MACROD2: variants seen among roughly 807,000 people sequenced by gnomAD.
MACROD2 encodes ADP-ribose glycohydrolase MACROD2.
A neutral mutation model predicts 70.4 loss-of-function variants in MACROD2; 36 were observed. The observed-to-expected ratio is 0.51, with a 90% CI of 0.39 to 0.68. The LOEUF (loss-of-function observed/expected upper bound fraction) is 0.68, where lower values mean the gene tolerates loss of function less well. MACROD2 is among the 30% of genes least tolerant of loss of function. MACROD2 has a pLI of 0.00. For missense variants in MACROD2, 496 were observed against 538.4 expected (o/e 0.92, Z 0.78); for synonymous variants, 172 against 178.8 (o/e 0.96, Z 0.30).
intron 6 of MACROD2, among the ~76,000 whole-genome samples, chr20:15,365,972 A>T (rs1434551189): frequency 6.6e-6 from 1 of 152,242 alleles, no homozygotes; most frequent in Non-Finnish European, 1.5e-5. Context: ...TGTTCATTTC[A>T]AGTGGACAAA....
intron 6 of MACROD2, among the ~76,000 whole-genome samples, chr20:15,244,295 T>C (rs940699172): frequency 6.6e-6 from 1 of 152,198 alleles, no homozygotes; most frequent in Non-Finnish European, 1.5e-5. Flanking sequence ...TTAATGAGAC[T>C]TAAGAAATCT....
intron 5 of MACROD2, among the ~76,000 whole-genome samples, chr20:14,823,326 T>C (rs1227423761): frequency 6.6e-6 from 1 of 152,180 alleles, no homozygotes; most frequent in Non-Finnish European, 1.5e-5. Flanking sequence ...TTAAGTTATT[T>C]GTATTTCTTA....
intron 8 of MACROD2, among the ~76,000 whole-genome samples, chr20:15,830,510 C>T (rs918381748): frequency 2.6e-5 from 4 of 152,150 alleles, no homozygotes; most frequent in African/African-American, 9.7e-5. Flanking sequence ...TAGGTCAAGT[C>T]GTTTGGCAAA....
intron 6 of MACROD2, among the ~76,000 whole-genome samples, chr20:15,244,360 T>C (rs1050514774): frequency 3.3e-5 from 5 of 152,200 alleles, no homozygotes; most frequent in African/African-American, 1.2e-4. Context: ...AAGGTGATCA[T>C]ATTATTACTC....
At chr20:15,295,137 G>A (rs1025361291) in intron 6 of MACROD2, among the ~76,000 whole-genome samples, 2 of 152,150 alleles carry the variant, frequency 1.3e-5, no homozygotes, top group African/African-American at 4.8e-5. Context: ...TTCAGAAAGG[G>A]CAGTTCCCCT....
intron 10 of MACROD2, among the ~76,000 whole-genome samples, chr20:15,904,054 T>C (rs949280770): frequency 3.3e-5 from 5 of 152,188 alleles, no homozygotes; most frequent in African/African-American, 4.8e-5. Flanking sequence ...AATTCAAACA[T>C]TGCAGGAAAA....
intron 6 of MACROD2, among the ~76,000 whole-genome samples, chr20:15,250,685 C>A (rs1272258752): frequency 6.6e-6 from 1 of 152,172 alleles, no homozygotes; most frequent in Non-Finnish European, 1.5e-5. Flanking sequence ...GATCTTCCTT[C>A]TCCCTTCACC....
intron 5 of MACROD2, among the ~76,000 whole-genome samples, chr20:14,755,061 C>T (rs1458521002): frequency 1.3e-5 from 2 of 152,082 alleles, no homozygotes; most frequent in Non-Finnish European, 2.9e-5. Flanking sequence ...AGCACAGGTT[C>T]TTCCTTGGTG....
chr20:14,249,546 A>G (rs1269274614), intron 3 of MACROD2, among the ~76,000 whole-genome samples: 1 of 152,036 alleles, frequency 6.6e-6, no homozygotes, highest in Non-Finnish European at 1.5e-5. Flanking sequence ...TCACAGAGCT[A>G]TGTCTCCAGC....
At chr20:15,021,156 CTG>C (rs2075171618) in intron 5 of MACROD2, among the ~76,000 whole-genome samples, 1 of 119,270 alleles carries the variant, frequency 8.4e-6, no homozygotes, top group Non-Finnish European at 1.7e-5. Context: ...ATACACACAC[CTG>C]TGTGTATGTA....
intron 6 of MACROD2, among the ~76,000 whole-genome samples, chr20:15,339,007 G>C (rs909688113): frequency 6.6e-6 from 1 of 151,718 alleles, no homozygotes; most frequent in African/African-American, 2.4e-5. Flanking sequence ...GGCTTCATTG[G>C]CTCCTTCAAA....
At chr20:15,707,644 G>T (rs1268767830) in intron 8 of MACROD2, among the ~76,000 whole-genome samples, 1 of 152,136 alleles carries the variant, frequency 6.6e-6, no homozygotes, top group South Asian at 2.1e-4. Context: ...TTAGCTGAGC[G>T]TGGTGGCGGG....
chr20:14,840,290 A>C (rs1413220142), intron 5 of MACROD2, among the ~76,000 whole-genome samples: 3 of 152,162 alleles, frequency 2.0e-5, no homozygotes, highest in African/African-American at 7.2e-5. Context: ...TGTCCATCTC[A>C]GACTCCCAAA....
intron 3 of MACROD2, among the ~76,000 whole-genome samples, chr20:14,190,421 A>G (rs908495520): frequency 1.3e-5 from 2 of 151,910 alleles, no homozygotes; most frequent in African/African-American, 2.4e-5. Context: ...TAGCTTTTGT[A>G]GGTATAGCTA....
At chr20:15,006,582 A>G (rs2075039686) in intron 5 of MACROD2, among the ~76,000 whole-genome samples, 2 of 152,178 alleles carry the variant, frequency 1.3e-5, no homozygotes, top group Admixed American at 6.5e-5. Flanking sequence ...ATGTATATCA[A>G]AACTTCGTGC....
At chr20:14,692,647 A>G (rs1026011595) in intron 5 of MACROD2, among the ~76,000 whole-genome samples, 2 of 152,198 alleles carry the variant, frequency 1.3e-5, no homozygotes, top group African/African-American at 4.8e-5. Context: ...AAGACACTCA[A>G]GAGAGAACAA....
intron 5 of MACROD2, among the ~76,000 whole-genome samples, chr20:15,033,960 C>A (rs2075294536): frequency 6.6e-6 from 1 of 152,124 alleles, no homozygotes; most frequent in Non-Finnish European, 1.5e-5. Context: ...AAATGATAGT[C>A]TAACAACATC....
intron 10 of MACROD2, among the ~76,000 whole-genome samples, chr20:15,889,098 G>A (rs2064857260): frequency 6.6e-6 from 1 of 152,092 alleles, no homozygotes; most frequent in African/African-American, 2.4e-5. Context: ...AACCCACTGG[G>A]GTGCTTGTAA....
intron 8 of MACROD2, among the ~76,000 whole-genome samples, chr20:15,606,945 T>C (rs1025587889): frequency 1.4e-5 from 2 of 147,434 alleles, no homozygotes; most frequent in Non-Finnish European, 3.0e-5. Flanking sequence ...GAGGTTGCCA[T>C]GAGCCAAGAT....
Sources: gnomAD v4.1 joint callset for allele counts (sites outside exome capture counted in the v4.1 genomes callset) on GRCh38, gnomAD v4.1.1 for gene constraint, MANE v1.5 for transcripts, NCBI Gene and HGNC (gene_info 2026-07-23, HGNC 2026-07-21) for gene names.